ADIPOR2: variants seen among roughly 807,000 people sequenced by gnomAD.
ADIPOR2 encodes the protein adiponectin receptor protein 2.
ADIPOR2 carries 18 observed loss-of-function variants against 40.9 expected under a neutral mutation model. That is an observed-to-expected ratio of 0.44 (90% CI 0.30 to 0.65). The LOEUF is 0.65. ADIPOR2 is among the 30% of genes least tolerant of loss of function. ADIPOR2 has a pLI of 0.09. For missense variants in ADIPOR2, 283 were observed against 479.2 expected, an observed-to-expected ratio of 0.59 and a Z score of 3.82; for synonymous variants, 165 against 166.4, an observed-to-expected ratio of 0.99 and a Z score of 0.06.
chr12:1,700,594 A>G (rs542915044), intron 1 of ADIPOR2, among the ~76,000 whole-genome samples: 2 of 152,336 alleles, frequency 1.3e-5, no homozygotes, highest in African/African-American at 4.8e-5. Flanking sequence ...GCATAATTCA[A>G]TGACTAAGAA....
chr12:1,730,960 T>C (rs1382359269), intron 1 of ADIPOR2: 1 of 152,214 alleles, frequency 6.6e-6, no homozygotes, highest in East Asian at 1.9e-4. Flanking sequence ...ACAAGAAAAT[T>C]ATGTTTATTA....
chr12:1,762,051 T>C (rs1303051028), intron 2 of ADIPOR2, among the ~76,000 whole-genome samples: 8 of 152,204 alleles, frequency 5.3e-5, no homozygotes, highest in Admixed American at 5.2e-4. Flanking sequence ...GCAGCCGCAT[T>C]GGCCTTATTT....
intron 1 of ADIPOR2, among the ~76,000 whole-genome samples, chr12:1,720,826 C>T (rs1344560635): frequency 6.6e-6 from 1 of 152,160 alleles, no homozygotes; most frequent in East Asian, 1.9e-4. Flanking sequence ...AATCCCTAAA[C>T]TAAAGGAAAA....
At position 1,787,818 on chromosome 12, in the gene ADIPOR2, G is replaced by A. The variant is rs1214436192; in HGVS notation, c.*1746G>A. The A allele has an allele frequency of 6.6e-6, 1 of 152,338 alleles. No individual in the cohort carries two copies. Among genetic ancestry groups the A allele is most frequent in the Non-Finnish European group, 1.5e-5 (1 of 68,062 alleles). 9.4% of individuals were successfully genotyped at this position (152,338 alleles called of 1,614,324 possible). Reference sequence around the variant, plus strand: ...GCCCTTGCAATCTCCAGCAAAAGGTGGGATCTAGGAAGAAAGAATCCAGTG... The same window carrying A: ...GCCCTTGCAATCTCCAGCAAAAGGTAGGATCTAGGAAGAAAGAATCCAGTG... On this transcript the variant is annotated 3_prime_UTR_variant, in exon 8 of 8. Transcript: ENST00000357103.
intron 2 of ADIPOR2, among the ~76,000 whole-genome samples, chr12:1,759,395 A>AT (rs1215946353): frequency 6.6e-6 from 1 of 152,182 alleles, no homozygotes; most frequent in African/African-American, 2.4e-5. Flanking sequence ...AGTTGTGGAG[A>AT]TTGGCATTCA....
At chr12:1,750,450 C>T (rs2094766722) in intron 1 of ADIPOR2, among the ~76,000 whole-genome samples, 1 of 150,380 alleles carries the variant, frequency 6.6e-6, no homozygotes, top group African/African-American at 2.5e-5. Flanking sequence ...ACCTGTAATC[C>T]TAGGTACTTG....
At chr12:1,738,209 CA>C (rs56395738) in intron 1 of ADIPOR2, among the ~76,000 whole-genome samples, 37,616 of 85,576 alleles carry the variant, frequency 0.44, 6,032 homozygotes, top group East Asian at 0.54. Flanking sequence ...CCTGTCTCTA[CA>C]AAAAAAAAAA....
intron 1 of ADIPOR2, among the ~76,000 whole-genome samples, chr12:1,705,481 A>C (rs2154441565): frequency 6.6e-6 from 1 of 152,336 alleles, no homozygotes; most frequent in African/African-American, 2.4e-5. Flanking sequence ...GACAAGTTGC[A>C]GTCAGAACTT....
chr12:1,762,988 G>C (rs1468491), intron 2 of ADIPOR2, among the ~76,000 whole-genome samples: 20,329 of 152,158 alleles, frequency 0.13, 1,520 homozygotes, highest in African/African-American at 0.2. Flanking sequence ...GAGACCCTGT[G>C]ATAGGTGATA....
chr12:1,778,222 G>A (rs1197372632), intron 4 of ADIPOR2, 197 bp downstream of exon 4: 10 of 548,414 alleles, frequency 1.8e-5, no homozygotes, highest in South Asian at 1.2e-4. Flanking sequence ...TATAACTTAA[G>A]TTATATTTCT....
At chr12:1,699,296 T>A (rs533134834) in intron 1 of ADIPOR2, among the ~76,000 whole-genome samples, 1 of 152,270 alleles carries the variant, frequency 6.6e-6, no homozygotes, top group African/African-American at 2.4e-5. Flanking sequence ...AAAATAATAT[T>A]TTCAAATTGT....
Position 1,780,272 on chromosome 12 carries a change from C to G in ADIPOR2, c.464-179C>G, listed in dbSNP as rs555179750. 7.5e-6 allele frequency: 4 copies of G among 536,858 alleles called. No homozygotes were observed. In the East Asian group the frequency reaches 1.4e-4, roughly 18 times the overall value. The allele number at this position is 536,858 out of a possible 1,614,324, so 33.3% of individuals were successfully genotyped here. ...TATGAAGCTGAAGTATTTCTGATACCAACAATGTTGGAAGTAAACCACAAT... is the reference window on the plus strand; with the variant it reads ...TATGAAGCTGAAGTATTTCTGATACGAACAATGTTGGAAGTAAACCACAAT... On this transcript the variant is annotated intron_variant, in intron 4 of 7. Transcript: ENST00000357103.
intron 1 of ADIPOR2, among the ~76,000 whole-genome samples, chr12:1,729,505 G>T (rs895109058): frequency 6.6e-6 from 1 of 150,464 alleles, no homozygotes; most frequent in Non-Finnish European, 1.5e-5. Flanking sequence ...TAGAAACAGG[G>T]TCTTACTCTA....
intron 1 of ADIPOR2, among the ~76,000 whole-genome samples, chr12:1,692,483 T>C (rs2094629123): frequency 6.6e-6 from 1 of 152,218 alleles, no homozygotes; most frequent in African/African-American, 2.4e-5. Context: ...TTGAAAAAAT[T>C]GCAAATTAAA....
rs771479645 is a variant in ADIPOR2, at chr12:1,780,860, A to G, written c.651-29A>G. ...TGGCCAGTAGTTTTTAAATTACTGC[A>G]TTAAATGGATTTTTTTTTTCTGTCA... On this transcript the variant is annotated intron_variant, in intron 5 of 7. Transcript: ENST00000357103. The G allele has an allele frequency of 3.9e-6, 6 of 1,547,136 alleles. No homozygotes were observed. In the East Asian group the frequency reaches 9.2e-5, roughly 24 times the overall value.
intron 1 of ADIPOR2, among the ~76,000 whole-genome samples, chr12:1,718,914 G>A (rs10082860): frequency 0.012 from 1,793 of 152,278 alleles, 42 homozygotes; most frequent in African/African-American, 0.041. Context: ...AAGAAGTGTA[G>A]TGATACAACA....
intron 1 of ADIPOR2, among the ~76,000 whole-genome samples, chr12:1,733,682 G>A (rs1190397605): frequency 6.6e-6 from 1 of 152,074 alleles, no homozygotes; most frequent in Non-Finnish European, 1.5e-5. Flanking sequence ...ATGTGTACAT[G>A]TGCCATGTTG....
chr12:1,785,805 G>A (rs1284590003), intron 7 of ADIPOR2, 139 bp from the exon 8 acceptor site: 15 of 1,135,546 alleles, frequency 1.3e-5, no homozygotes, highest in Non-Finnish European at 1.8e-5. Flanking sequence ...ATCTGTGGAC[G>A]CCTTGAATTT....
chr12:1,708,108 C>T (rs918318455), intron 1 of ADIPOR2, among the ~76,000 whole-genome samples: 23 of 149,976 alleles, frequency 1.5e-4, no homozygotes. Context: ...ATTTATATAG[C>T]ATTTAATCAT....
Sources: gnomAD v4.1 joint callset for allele counts (sites outside exome capture counted in the v4.1 genomes callset) on GRCh38, gnomAD v4.1.1 for gene constraint, MANE v1.5 for transcripts, NCBI Gene and HGNC (gene_info 2026-07-23, HGNC 2026-07-21) for gene names.